SLC16A9: variants seen among roughly 807,000 people sequenced by gnomAD.
SLC16A9 encodes the protein solute carrier family 16 member 9.
In SLC16A9, 26 loss-of-function variants were observed where a neutral mutation model predicts 44.3. That is an observed-to-expected ratio of 0.59 (90% CI 0.43 to 0.81). SLC16A9 has a LOEUF of 0.81. Ranked by LOEUF, SLC16A9 falls within the 40% of genes least tolerant of loss-of-function variation. The pLI, the probability that SLC16A9 is intolerant of heterozygous loss-of-function variation, is 0.00. For synonymous variants in SLC16A9, 230 were observed against 225.1 expected (o/e 1.02, Z -0.19); for missense variants, 559 against 595.8 (o/e 0.94, Z 0.64).
intron 4 of SLC16A9, among the ~76,000 whole-genome samples, chr10:59,663,381 A>C (rs1162729684): frequency 1.3e-5 from 2 of 152,004 alleles, no homozygotes; most frequent in African/African-American, 4.8e-5. Context: ...AAAAAGAAAG[A>C]AAGAAAGAAA....
chr10:59,690,942 G>A lies in SLC16A9; in HGVS notation c.-36-6615C>T, dbSNP rs1025660432. ...CTACTAAAAAATACAAAAATTATCTGGGCATGGTGGCACGCGCCTGTAATC... is the reference window on the plus strand; with the variant it reads ...CTACTAAAAAATACAAAAATTATCTAGGCATGGTGGCACGCGCCTGTAATC... On this transcript the variant is annotated intron_variant, in intron 1 of 5. Coordinates refer to ENST00000395348, the MANE Select transcript of SLC16A9 (RefSeq NM_194298.3). 2.0e-5 allele frequency among the ~76,000 whole-genome samples: 3 copies of A among 152,092 alleles called. No homozygotes were observed. In the South Asian group the frequency reaches 6.2e-4, roughly 32 times the overall value.
At chr10:59,662,633 CAAAA>C (rs71006278) in intron 4 of SLC16A9, among the ~76,000 whole-genome samples, 4 of 43,634 alleles carry the variant, frequency 9.2e-5, no homozygotes, top group Admixed American at 3.2e-4. Context: ...AACTCCATCT[CAAAA>C]AAAAAAAAAA....
chr10:59,686,341 G>A (rs947738383), intron 1 of SLC16A9, among the ~76,000 whole-genome samples: 3 of 152,142 alleles, frequency 2.0e-5, no homozygotes, highest in Non-Finnish European at 4.4e-5. Context: ...GAATCAGCCT[G>A]TCTGGTTCAA....
intron 5 of SLC16A9, among the ~76,000 whole-genome samples, 182 bp downstream of exon 5, chr10:59,653,493 G>C (rs1452481473): frequency 1.5e-5 from 2 of 136,604 alleles, no homozygotes; most frequent in African/African-American, 5.3e-5. Flanking sequence ...ACAAATCCCA[G>C]AGCATGCATA....
rs1363247460 is a variant in SLC16A9 at position 59,684,125 on chromosome 10, G to C, written c.167C>G (p.Ser56Cys). Residue 56 changes from serine to cysteine, a missense_variant, in exon 2 of 6, where the codon TCC (serine) becomes TGC (cysteine). Transcript: ENST00000395348. The stretch of plus-strand genomic sequence containing the variant: ...AAGCAAGCCAACTCCACTTGCCAGG[G>C]ATCCAACCCAGGCTGTTTTTCCTTT... ...EGKGKTAWVG[S>C]LASGVGLLAS... The C allele has an allele frequency of 6.2e-7, 1 of 1,613,464 alleles. No individual in the cohort carries two copies. The highest frequency in any genetic ancestry group is 1.3e-5 in the African/African-American group (1 of 75,020).
intron 1 of SLC16A9, among the ~76,000 whole-genome samples, chr10:59,699,074 C>T (rs1840464469): frequency 6.6e-6 from 1 of 152,142 alleles, no homozygotes; most frequent in African/African-American, 2.4e-5. Context: ...ATTTTTCATA[C>T]CCTAGTGTTC....
chr10:59,664,054 C>G (rs538585578), intron 4 of SLC16A9, among the ~76,000 whole-genome samples, 173 bp downstream of exon 4: 178 of 145,900 alleles, frequency 1.2e-3, no homozygotes, highest in African/African-American at 4.2e-3. Context: ...AAAAAGAAAG[C>G]TACTGCCATA....
At chr10:59,673,593 A>T (rs1839798216) in intron 2 of SLC16A9, among the ~76,000 whole-genome samples, 1 of 152,230 alleles carries the variant, frequency 6.6e-6, no homozygotes, top group African/African-American at 2.4e-5. Context: ...AGAGAAGTAT[A>T]TCTGAATTGA....
At chr10:59,665,020 T>A (rs1839577466) in intron 3 of SLC16A9, among the ~76,000 whole-genome samples, 1 of 152,200 alleles carries the variant, frequency 6.6e-6, no homozygotes, top group African/African-American at 2.4e-5. Flanking sequence ...TCTCCACTTT[T>A]CTGTAAATTT....
chr10:59,669,233 A>G (rs1839691532), intron 3 of SLC16A9, among the ~76,000 whole-genome samples: 1 of 152,190 alleles, frequency 6.6e-6, no homozygotes, highest in African/African-American at 2.4e-5. Context: ...CATTACAGGC[A>G]CATTCCCTGC....
chr10:59,678,735 GGT>G, intron 2 of SLC16A9, among the ~76,000 whole-genome samples: 1 of 142,568 alleles, frequency 7.0e-6, no homozygotes. Context: ...AGTAGAGACG[GGT>G]TTTCACCTTG....
At chr10:59,656,612 A>G (rs7082290) in intron 4 of SLC16A9, among the ~76,000 whole-genome samples, 140,143 of 152,212 alleles carry the variant, frequency 0.92, 65,669 homozygotes, top group East Asian at 1. Context: ...GGGTATTGAA[A>G]AGTAATTTAG....
intron 3 of SLC16A9, among the ~76,000 whole-genome samples, chr10:59,666,989 T>C (rs1839634392): frequency 6.6e-6 from 1 of 152,108 alleles, no homozygotes; most frequent in Admixed American, 6.6e-5. Context: ...TTAACCAAAG[T>C]GATGTTTTAC....
At chr10:59,705,520 T>G (rs1050054234) in intron 1 of SLC16A9, among the ~76,000 whole-genome samples, 2 of 152,144 alleles carry the variant, frequency 1.3e-5, no homozygotes, top group African/African-American at 4.8e-5. Context: ...TAATAAACAT[T>G]AATTATTATT....
chr10:59,697,080 C>T (rs371584464), intron 1 of SLC16A9, among the ~76,000 whole-genome samples: 966 of 81,740 alleles, frequency 0.012, 206 homozygotes, highest in African/African-American at 0.038. Flanking sequence ...CCCTCTGCCC[C>T]GCCAGCCGCC....
intron 1 of SLC16A9, among the ~76,000 whole-genome samples, chr10:59,692,454 G>A (rs1840273802): frequency 6.6e-6 from 1 of 152,176 alleles, no homozygotes; most frequent in Non-Finnish European, 1.5e-5. Flanking sequence ...GTGGGATGAT[G>A]AAAACATTTT....
intron 2 of SLC16A9, among the ~76,000 whole-genome samples, chr10:59,681,198 G>A (rs1564705158): frequency 6.6e-6 from 1 of 151,946 alleles, no homozygotes; most frequent in African/African-American, 2.4e-5. Flanking sequence ...TGATCCACTT[G>A]TTTCTCTGTA....
At chr10:59,666,324 G>A (rs72812337) in intron 3 of SLC16A9, among the ~76,000 whole-genome samples, 20,865 of 150,078 alleles carry the variant, frequency 0.14, 1,528 homozygotes, top group East Asian at 0.22. Flanking sequence ...AGAAAAGAAA[G>A]CAAAAGGTGG....
intron 4 of SLC16A9, among the ~76,000 whole-genome samples, chr10:59,656,147 TAAC>T (rs1839344438): frequency 6.6e-6 from 1 of 152,220 alleles, no homozygotes; most frequent in South Asian, 2.1e-4. Flanking sequence ...TGAGAAGTAA[TAAC>T]AGTAGACAAA....
Sources: allele counts gnomAD v4.1 joint callset (sites outside exome capture counted in the v4.1 genomes callset), GRCh38; gene constraint gnomAD v4.1.1; transcripts MANE v1.5; gene names NCBI Gene and HGNC (gene_info 2026-07-23, HGNC 2026-07-21).